The following CNTN5 variants were observed in gnomAD, a reference collection of about 807,000 sequenced individuals.
The protein encoded by CNTN5 is contactin-5.
In CNTN5, 77 loss-of-function variants were observed where a neutral mutation model predicts 129.1. The observed-to-expected ratio is 0.60, with a 90% CI of 0.50 to 0.72. CNTN5 has a LOEUF of 0.72. Ranked by LOEUF, CNTN5 falls within the 30% of genes least tolerant of loss-of-function variation. The pLI, the probability that CNTN5 is intolerant of heterozygous loss-of-function variation, is 0.00. For missense variants in CNTN5, 1,478 were observed against 1,328.8 expected (o/e 1.11, Z -1.75); for synonymous variants, 509 against 465.6 (o/e 1.09, Z -1.20).
chr11:99,206,396 G>C (rs1013835138), intron 1 of CNTN5, among the ~76,000 whole-genome samples: 2 of 152,044 alleles, frequency 1.3e-5, no homozygotes, highest in African/African-American at 4.8e-5. Context: ...TCCCCAGGTC[G>C]TCTCAATGTA....
intron 1 of CNTN5, among the ~76,000 whole-genome samples, chr11:99,113,913 T>A (rs1857917029): frequency 6.6e-6 from 1 of 152,184 alleles, no homozygotes; most frequent in African/African-American, 2.4e-5. Flanking sequence ...ATACTAAGTT[T>A]TAGTTTTTAC....
chr11:100,278,353 CATTGTTATTTTGATAGGG>C (rs1950561738), intron 18 of CNTN5, among the ~76,000 whole-genome samples: 1 of 151,984 alleles, frequency 6.6e-6, no homozygotes, highest in African/African-American at 2.4e-5. Flanking sequence ...TGAAGAATAT[CATTGTTATTTTGATAGGG>C]ATTGCATTAA....
At chr11:100,249,789 T>C (rs1949926332) in intron 16 of CNTN5, among the ~76,000 whole-genome samples, 1 of 152,178 alleles carries the variant, frequency 6.6e-6, no homozygotes, top group African/African-American at 2.4e-5. Context: ...TTAACAGGCC[T>C]TAAAAAACAA....
intron 4 of CNTN5, among the ~76,000 whole-genome samples, chr11:99,826,869 G>C (rs979647081): frequency 6.6e-6 from 1 of 151,984 alleles, no homozygotes; most frequent in Admixed American, 6.6e-5. Flanking sequence ...TAATAATAAA[G>C]TCTCTCTCAT....
At chr11:99,039,272 A>G (rs1370454658) in intron 1 of CNTN5, among the ~76,000 whole-genome samples, 2 of 152,148 alleles carry the variant, frequency 1.3e-5, no homozygotes, top group Non-Finnish European at 2.9e-5. Context: ...ATCATTGGCT[A>G]TATTTAAGAA....
intron 7 of CNTN5, 48 bp from the exon 8 acceptor site, chr11:99,956,758 A>G: frequency 7.2e-7 from 1 of 1,397,662 alleles, no homozygotes; most frequent in South Asian, 1.2e-5. Flanking sequence ...TTTGTCTGTT[A>G]ATGAAAAAAT....
intron 2 of CNTN5, among the ~76,000 whole-genome samples, chr11:99,382,189 C>A: frequency 6.6e-6 from 1 of 152,092 alleles, no homozygotes; most frequent in African/African-American, 2.4e-5. Flanking sequence ...ATAATAGCAT[C>A]CTTCCAGAAC....
At chr11:99,706,010 C>T (rs1954739952) in intron 3 of CNTN5, among the ~76,000 whole-genome samples, 1 of 151,472 alleles carries the variant, frequency 6.6e-6, no homozygotes. Context: ...AAAGAGAAGA[C>T]TCTTAAAAAT....
chr11:99,994,796 A>C (rs1336830871), intron 8 of CNTN5, among the ~76,000 whole-genome samples: 1 of 152,186 alleles, frequency 6.6e-6, no homozygotes, highest in Non-Finnish European at 1.5e-5. Flanking sequence ...GAGAGCATTA[A>C]AGATAAACTT....
chr11:99,693,715 G>A (rs1399881491), intron 3 of CNTN5, among the ~76,000 whole-genome samples: 2 of 152,112 alleles, frequency 1.3e-5, no homozygotes, highest in African/African-American at 2.4e-5. Context: ...ATGTCAGTGG[G>A]ATTTTGACAG....
chr11:99,565,091 T>C (rs1407271008), intron 3 of CNTN5, among the ~76,000 whole-genome samples: 1 of 152,220 alleles, frequency 6.6e-6, no homozygotes, highest in Admixed American at 6.5e-5. Context: ...TGTTCTTTAT[T>C]CATGTGTTTG....
intron 9 of CNTN5, among the ~76,000 whole-genome samples, chr11:100,014,253 T>A (rs186347171): frequency 3.9e-5 from 6 of 152,278 alleles, no homozygotes; most frequent in Admixed American, 2.6e-4. Context: ...GCCCTCTGCA[T>A]AACAGCAGTA....
intron 15 of CNTN5, among the ~76,000 whole-genome samples, chr11:100,209,267 G>A (rs1391207018): frequency 1.3e-5 from 2 of 152,142 alleles, no homozygotes; most frequent in African/African-American, 2.4e-5. Flanking sequence ...GAGGAGAGAG[G>A]TGTAGGAGAT....
chr11:99,628,264 T>G (rs1951202744), intron 3 of CNTN5, among the ~76,000 whole-genome samples: 2 of 151,968 alleles, frequency 1.3e-5, no homozygotes, highest in Admixed American at 6.6e-5. Flanking sequence ...ATCTAGAAAT[T>G]TCATTACCTA....
intron 1 of CNTN5, among the ~76,000 whole-genome samples, chr11:99,203,229 C>G (rs575203276): frequency 2.6e-5 from 4 of 152,142 alleles, no homozygotes; most frequent in East Asian, 3.9e-4. Flanking sequence ...TTGGAGAGAC[C>G]GTGCCTGCTT....
chr11:99,793,308 C>T (rs1298589655), intron 3 of CNTN5, among the ~76,000 whole-genome samples: 4 of 152,172 alleles, frequency 2.6e-5, no homozygotes, highest in Non-Finnish European at 5.9e-5. Context: ...ATCCACCTGC[C>T]TCGGCCTCCC....
chr11:100,172,836 G>A (rs914786559), intron 13 of CNTN5, among the ~76,000 whole-genome samples: 1 of 152,092 alleles, frequency 6.6e-6, no homozygotes, highest in Non-Finnish European at 1.5e-5. Flanking sequence ...ATGCTAAGAA[G>A]TTTGGGTTTT....
chr11:100,153,209 T>C (rs56336435), intron 13 of CNTN5, among the ~76,000 whole-genome samples: 2,507 of 152,220 alleles, frequency 0.016, 62 homozygotes, highest in African/African-American at 0.057. Flanking sequence ...TTGCTACTTT[T>C]TGTTGTCACA....
intron 13 of CNTN5, among the ~76,000 whole-genome samples, chr11:100,091,621 G>A (rs1190828221): frequency 6.6e-6 from 1 of 151,530 alleles, no homozygotes; most frequent in Non-Finnish European, 1.5e-5. Context: ...TAGAAAATGG[G>A]TTTCACCACG....
Sources: allele counts gnomAD v4.1 joint callset (sites outside exome capture counted in the v4.1 genomes callset), GRCh38; gene constraint gnomAD v4.1.1; transcripts MANE v1.5; gene names NCBI Gene and HGNC (gene_info 2026-07-23, HGNC 2026-07-21).